Variants in GRIA3 observed in about 807,000 individuals in gnomAD.
GRIA3 encodes glutamate receptor 3.
Under a neutral mutation model 63.0 loss-of-function variants are expected in GRIA3, and 3 were observed. The observed-to-expected ratio is 0.05, with a 90% CI of 0.02 to 0.12. GRIA3 has a LOEUF of 0.12. Ranked by LOEUF, GRIA3 falls within the 10% of genes least tolerant of loss-of-function variation. The pLI is 1.00. For synonymous variants in GRIA3, 274 were observed against 257.9 expected (o/e 1.06, Z -0.60); for missense variants, 347 against 700.9 (o/e 0.50, Z 5.70).
At chrX:123,207,864 A>G (rs1481729093) in intron 2 of GRIA3, among the ~76,000 whole-genome samples, 1 of 111,609 alleles carries the variant, frequency 9.0e-6, no homozygotes, top group East Asian at 2.8e-4. Context: ...TACAAAGCCC[A>G]CATTTGAACC....
At chrX:123,272,484 G>A (rs765627892) in intron 3 of GRIA3, among the ~76,000 whole-genome samples, 2 of 112,109 alleles carry the variant, frequency 1.8e-5, no homozygotes, top group East Asian at 5.7e-4. Context: ...CCAGTTAGGC[G>A]GGATGCTGAA....
At chrX:123,304,770 G>A (rs950849277) in intron 3 of GRIA3, among the ~76,000 whole-genome samples, 1 of 112,114 alleles carries the variant, frequency 8.9e-6, no homozygotes, top group Non-Finnish European at 1.9e-5. Context: ...CTTCCAAAAG[G>A]CTATACTGGC....
intron 3 of GRIA3, among the ~76,000 whole-genome samples, chrX:123,320,909 C>A (rs1225413002): frequency 8.9e-6 from 1 of 111,877 alleles, no homozygotes; most frequent in Non-Finnish European, 1.9e-5. Context: ...CAAGTCACTT[C>A]CCCTGTCTAA....
At chrX:123,469,637 T>C (rs754239086) in intron 13 of GRIA3, among the ~76,000 whole-genome samples, 1 of 112,212 alleles carries the variant, frequency 8.9e-6, no homozygotes, top group South Asian at 3.7e-4. Flanking sequence ...AACCTGCAAA[T>C]CACCCTTTTG....
intron 2 of GRIA3, among the ~76,000 whole-genome samples, chrX:123,200,538 A>G (rs1437659095): frequency 9.3e-6 from 1 of 107,687 alleles, no homozygotes; most frequent in East Asian, 2.8e-4. Context: ...ATATTTATAT[A>G]TTTTATATAT....
chrX:123,444,886 C>A (rs1204589417), intron 12 of GRIA3, among the ~76,000 whole-genome samples: 3 of 111,183 alleles, frequency 2.7e-5, no homozygotes, highest in Non-Finnish European at 5.7e-5. Context: ...GAAGTGTGAT[C>A]ATATTCAAAG....
At chrX:123,258,370 A>G (rs2044431225) in intron 3 of GRIA3, among the ~76,000 whole-genome samples, 1 of 112,832 alleles carries the variant, frequency 8.9e-6, no homozygotes, top group South Asian at 3.6e-4. Context: ...CTGTGAATAC[A>G]GAACCATAAT....
chrX:123,242,708 C>G (rs180947912), intron 2 of GRIA3, among the ~76,000 whole-genome samples: 48 of 112,164 alleles, frequency 4.3e-4, no homozygotes, highest in African/African-American at 1.6e-3. Context: ...AGAAATTTAG[C>G]TATTACTTCC....
At chrX:123,449,503 C>T (rs1041895559) in intron 12 of GRIA3, among the ~76,000 whole-genome samples, 1 of 111,890 alleles carries the variant, frequency 8.9e-6, no homozygotes, top group African/African-American at 3.2e-5. Context: ...TGCCAGGACA[C>T]GCAAATGCCA....
chrX:123,243,026 A>G (rs1328282140), intron 2 of GRIA3, among the ~76,000 whole-genome samples: 1 of 112,049 alleles, frequency 8.9e-6, no homozygotes, highest in African/African-American at 3.2e-5. Flanking sequence ...TGTTATAGAT[A>G]TGGAAATGAA....
intron 12 of GRIA3, among the ~76,000 whole-genome samples, chrX:123,461,724 G>C (rs2045793591): frequency 9.0e-6 from 1 of 111,512 alleles, no homozygotes; most frequent in African/African-American, 3.3e-5. Flanking sequence ...ATTGAAGAGA[G>C]AGATGAAGCA....
At chrX:123,244,038 T>C (rs1256278090) in intron 2 of GRIA3, among the ~76,000 whole-genome samples, 1 of 112,775 alleles carries the variant, frequency 8.9e-6, no homozygotes, top group Non-Finnish European at 1.9e-5. Context: ...TTGCTAGCAG[T>C]TACATTCAAG....
At chrX:123,447,187 A>G (rs1052033059) in intron 12 of GRIA3, among the ~76,000 whole-genome samples, 4 of 111,791 alleles carry the variant, frequency 3.6e-5, no homozygotes, top group Non-Finnish European at 7.5e-5. Context: ...GTTTGAGACC[A>G]GCCTGGCCAA....
chrX:123,371,618 C>A (rs2045248018), intron 5 of GRIA3, among the ~76,000 whole-genome samples: 1 of 111,403 alleles, frequency 9.0e-6, no homozygotes, highest in Middle Eastern at 4.2e-3. Flanking sequence ...TTTGACTTTG[C>A]ATTTCTCTGA....
chrX:123,245,420 C>T (rs1431556486), intron 2 of GRIA3, among the ~76,000 whole-genome samples: 1 of 111,346 alleles, frequency 9.0e-6, no homozygotes, highest in Non-Finnish European at 1.9e-5. Flanking sequence ...GATTAGATCC[C>T]CTTGCCTGGC....
intron 2 of GRIA3, among the ~76,000 whole-genome samples, chrX:123,236,562 G>T (rs1569404645): frequency 2.7e-5 from 1 of 36,526 alleles, no homozygotes; most frequent in Non-Finnish European, 4.6e-5. Flanking sequence ...ACTTAACCAA[G>T]TACAACAACT....
chrX:123,222,872 C>G (rs145096620), intron 2 of GRIA3, among the ~76,000 whole-genome samples: 1 of 112,230 alleles, frequency 8.9e-6, no homozygotes. Context: ...CTGCACACCA[C>G]GAGATCTATA....
intron 13 of GRIA3, among the ~76,000 whole-genome samples, chrX:123,466,569 T>C (rs1237026891): frequency 5.4e-5 from 6 of 111,957 alleles, no homozygotes; most frequent in Non-Finnish European, 9.4e-5. Flanking sequence ...CTTTGACTTC[T>C]AATGCTCTTT....
chrX:123,246,899 G>A (rs775576581), intron 2 of GRIA3, among the ~76,000 whole-genome samples: 88 of 102,838 alleles, frequency 8.6e-4, no homozygotes, highest in Non-Finnish European at 1.6e-3. Context: ...AAAAAACCAC[G>A]AGTTGTCTAC....
Sources: gnomAD v4.1 joint callset for allele counts (sites outside exome capture counted in the v4.1 genomes callset) on GRCh38, gnomAD v4.1.1 for gene constraint, MANE v1.5 for transcripts, NCBI Gene and HGNC (gene_info 2026-07-23, HGNC 2026-07-21) for gene names.